Variants in IVNS1ABP observed in about 807,000 individuals in gnomAD.
The protein encoded by IVNS1ABP is influenza virus NS1A-binding protein.
In IVNS1ABP, 25 loss-of-function variants were observed where a neutral mutation model predicts 78.9. The ratio of observed to expected loss-of-function variants is 0.32; its 90% CI spans 0.23 to 0.44. The LOEUF (loss-of-function observed/expected upper bound fraction) is 0.44. Among genes scored for constraint, IVNS1ABP ranks in the 20% least tolerant of loss-of-function variants. The pLI, the probability that IVNS1ABP is intolerant of heterozygous loss-of-function variation, is 1.00. For missense variants in IVNS1ABP, 494 were observed against 768.9 expected, an observed-to-expected ratio of 0.64 and a Z score of 4.23; for synonymous variants, 241 against 259.7, an observed-to-expected ratio of 0.93 and a Z score of 0.69.
intron 8 of IVNS1ABP, among the ~76,000 whole-genome samples, chr1:185,304,727 G>A (rs952743910): frequency 2.6e-5 from 4 of 152,220 alleles, no homozygotes; most frequent in Admixed American, 2.6e-4. Flanking sequence ...AGCACTATAC[G>A]GAAACGGTTG....
intron 8 of IVNS1ABP, among the ~76,000 whole-genome samples, chr1:185,304,404 C>G (rs1665683854): frequency 6.6e-6 from 1 of 152,098 alleles, no homozygotes; most frequent in Non-Finnish European, 1.5e-5. Flanking sequence ...AACATAGGTT[C>G]TCAACTAATT....
intron 2 of IVNS1ABP, 40 bp downstream of exon 2, chr1:185,311,055 T>C (rs938808304): frequency 1.4e-5 from 5 of 346,956 alleles, no homozygotes; most frequent in East Asian, 4.0e-5. Flanking sequence ...AGAAAAACAA[T>C]GTGTCTTAAT....
intron 7 of IVNS1ABP, 200 bp downstream of exon 7, chr1:185,306,814 A>C: frequency 1.4e-6 from 1 of 734,476 alleles, no homozygotes. Flanking sequence ...AAAGAAATAA[A>C]AAAAGAAAAG....
chr1:185,299,250 A>AAG lies in IVNS1ABP; in HGVS notation c.1675+458_1675+459dup, dbSNP rs1417103372. Reference sequence around the variant, plus strand: ...AGTCAATAAAATGGAGGTGGAAAGAAAGCTATGTCTACATTTAAAAAGTTT... The same window carrying AAG: ...AGTCAATAAAATGGAGGTGGAAAGAAAGAGCTATGTCTACATTTAAAAAGTTT... On this transcript the variant is annotated intron_variant, in intron 14 of 14. Coordinates refer to ENST00000367498, the MANE Select transcript of IVNS1ABP (RefSeq NM_006469.5). 2.5e-5 allele frequency: 4 copies of AAG among 160,776 alleles called. No individual in the cohort carries two copies. The East Asian group carries it at 7.1e-4, about 29-fold the overall frequency. 10.0% of individuals were successfully genotyped at this position (160,776 alleles called of 1,614,324 possible). A position where few individuals can be genotyped will look rare whatever the true frequency, so the allele number is the denominator to read the frequency against.
chr1:185,305,446 C>CT lies in IVNS1ABP; in HGVS notation c.765+89dup. 7.0e-7 allele frequency: 1 copy of CT among 1,423,616 alleles called. No homozygotes were observed. Among genetic ancestry groups the CT allele is most frequent in the East Asian group, 2.4e-5 (1 of 41,396 alleles). The allele number at this position is 1,423,616 out of a possible 1,614,324, so 88.2% of individuals were successfully genotyped here. A position where few individuals can be genotyped will look rare whatever the true frequency, so the allele number is the denominator to read the frequency against. Reference sequence around the variant, plus strand: ...CAGTTATACCAATGAAATTGGTCCACTTTCCTTTATTAAAGGAAAATTTAA... The same window carrying CT: ...CAGTTATACCAATGAAATTGGTCCACTTTTCCTTTATTAAAGGAAAATTTAA... On this transcript the variant is annotated intron_variant, in intron 8 of 14. Transcript: ENST00000367498. This position sits in a 1 kb window ranked among gnomAD's most constrained non-coding sequence, Gnocchi z 4.0.
rs888978980 is a variant in IVNS1ABP, at chr1:185,300,244, C to G, written c.1342G>C (p.Glu448Gln). 1.9e-6 allele frequency: 3 copies of G among 1,613,242 alleles called. No individual in the cohort carries two copies. The African/African-American group carries it at 4.0e-5, about 22-fold the overall frequency. ...SNIDDWIPVPELRTNRCNAGV... is the reference protein window; with the variant it reads ...SNIDDWIPVPQLRTNRCNAGV... ...GCATTACAACGGTTAGTTCTCAATT[C>G]TGGAACAGGAATCCAGTCATCTATG... The change falls in exon 12 of 15, where the codon GAA (glutamate) becomes CAA (glutamine). Residue 448 changes from glutamate (E) to glutamine (Q), a missense_variant. By Grantham distance (29) the Glu-to-Gln change is conservative. Coordinates refer to ENST00000367498, the MANE Select transcript of IVNS1ABP (RefSeq NM_006469.5).
rs1346506113 is a variant in IVNS1ABP, at chr1:185,309,407, G to C, written c.87C>G (p.Gly29=). Reference sequence around the variant, plus strand: ...CCTGAAGTCGAACATCACAGAACTGGCCACTTTTCCTCAGGGCATTTAATT... The same window carrying C: ...CCTGAAGTCGAACATCACAGAACTGCCCACTTTTCCTCAGGGCATTTAATT... ...VAKLNALRKS[G]QFCDVRLQVC... Residue 29 remains glycine, a synonymous_variant, in exon 3 of 15, where the codon GGC becomes GGG. Transcript: ENST00000367498. 6.2e-7 allele frequency: 1 copy of C among 1,610,730 alleles called. No individual in the cohort carries two copies. The highest frequency in any genetic ancestry group is 8.5e-7 in the Non-Finnish European group (1 of 1,177,718).
rs1405785886 is a variant in IVNS1ABP at position 185,297,687 on chromosome 1, A to G, written c.*348T>C. 3.6e-6 allele frequency: 1 copy of G among 279,764 alleles called. No individual in the cohort carries two copies. The highest frequency in any genetic ancestry group is 4.9e-5 in the Admixed American group (1 of 20,414). The allele number at this position is 279,764 out of a possible 1,614,324, so 17.3% of individuals were successfully genotyped here. ...CTTTAAACCCTACCCCTTTTACCCCATAGTACACATTTGAGGGAAGAGTCA... is the reference window on the plus strand; with the variant it reads ...CTTTAAACCCTACCCCTTTTACCCCGTAGTACACATTTGAGGGAAGAGTCA... On this transcript the variant is annotated 3_prime_UTR_variant, in exon 15 of 15. Coordinates refer to ENST00000367498, the MANE Select transcript of IVNS1ABP (RefSeq NM_006469.5).
chr1:185,301,482 G>C lies in IVNS1ABP; in HGVS notation c.847C>G (p.Gln283Glu). The C allele has an allele frequency of 1.2e-6, 2 of 1,613,150 alleles. No homozygotes were observed. The highest frequency in any genetic ancestry group is 1.7e-6 in the Non-Finnish European group (2 of 1,179,350). The change falls in exon 9 of 15, where the codon CAA becomes GAA. Residue 283 changes from glutamine to glutamate, a missense_variant. By Grantham distance (29) the Gln-to-Glu change is conservative (BLOSUM62 2). Transcript: ENST00000367498. ...ATTTTCCACTCATGCTTAGGGCTTTGTACTGTAGCATTTGGAGAAGAGAGA... is the reference window on the plus strand; with the variant it reads ...ATTTTCCACTCATGCTTAGGGCTTTCTACTGTAGCATTTGGAGAAGAGAGA... ...GCLSSPNATV[Q>E]SPKHEWKIVA...
Position 185,308,994 on chromosome 1 carries a change from T to A in IVNS1ABP, c.281+9A>T. Reference sequence around the variant, plus strand: ...CCCTAATTATATGGTTTACTTCAAATGTACTTACTGAGCAGTGTAGGCATA... The same window carrying A: ...CCCTAATTATATGGTTTACTTCAAAAGTACTTACTGAGCAGTGTAGGCATA... On this transcript the variant is annotated intron_variant, in intron 4 of 14. Transcript: ENST00000367498. The A allele has an allele frequency of 6.2e-7, 1 of 1,600,986 alleles. No individual in the cohort carries two copies. The highest frequency in any genetic ancestry group is 1.1e-5 in the South Asian group (1 of 88,960).
chr1:185,303,053 C>A (rs1356778467), intron 8 of IVNS1ABP, among the ~76,000 whole-genome samples: 1 of 151,960 alleles, frequency 6.6e-6, no homozygotes, highest in Admixed American at 6.6e-5. Context: ...ACTTATCTAA[C>A]CTTATCTATT....
Position 185,301,529 on chromosome 1 carries a change from A to T in IVNS1ABP, c.800T>A (p.Ile267Lys). The T allele has an allele frequency of 6.2e-7, 1 of 1,613,188 alleles. No homozygotes were observed. The highest frequency in any genetic ancestry group is 8.5e-7 in the Non-Finnish European group (1 of 1,179,370). The change falls in exon 9 of 15, where the codon ATA becomes AAA. Residue 267 changes from isoleucine (I) to lysine (K), a missense_variant. Transcript: ENST00000367498. ...GAGACATCCAGTTGAACTGCTACTT[A>T]TCTGCTTATGGCCATTCTCACGTGG... is the stretch of plus-strand genomic sequence containing the variant. ...KPPRENGHKQ[I>K]SSSSTGCLSS...
chr1:185,315,503 T>G (rs1172136913), intron 1 of IVNS1ABP, among the ~76,000 whole-genome samples: 1 of 152,212 alleles, frequency 6.6e-6, no homozygotes, highest in African/African-American at 2.4e-5. Flanking sequence ...AGGGCTCTCT[T>G]TGGTCAGTGG....
chr1:185,306,043 C>G (rs1438354236), intron 7 of IVNS1ABP: 1 of 172,880 alleles, frequency 5.8e-6, no homozygotes, highest in Non-Finnish European at 1.2e-5. Context: ...GTCTGGTTTG[C>G]ATAAACATAT....
Position 185,307,119 on chromosome 1 carries a change from A to G in IVNS1ABP, c.552T>C (p.Asp184=). The part of the protein sequence containing the change: ...PRLKLEVMLE[D]NVCLPSNGKL... ...TGCCATTGCTGGGCAAGCAAACATT[A>G]TCTTCAAGCATTACCTCCAACTAGA... The change falls in exon 7 of 15, where the codon GAT becomes GAC. Residue 184 remains aspartate (D), a synonymous_variant. Coordinates refer to ENST00000367498, the MANE Select transcript of IVNS1ABP (RefSeq NM_006469.5). 1.9e-6 allele frequency: 3 copies of G among 1,613,496 alleles called. No individual in the cohort carries two copies. Among genetic ancestry groups the G allele is most frequent in the Non-Finnish European group, 2.5e-6 (3 of 1,179,544 alleles).
chr1:185,298,215 T>C lies in IVNS1ABP; in HGVS notation c.1749A>G (p.Arg583=), dbSNP rs1571736117. 6.2e-7 allele frequency: 1 copy of C among 1,613,726 alleles called. No homozygotes were observed. The highest frequency in any genetic ancestry group is 1.1e-5 in the South Asian group (1 of 91,086). The change falls in exon 15 of 15, where the codon AGA becomes AGG. Residue 583 remains arginine, a synonymous_variant. Coordinates refer to ENST00000367498, the MANE Select transcript of IVNS1ABP (RefSeq NM_006469.5). This position sits in a 1 kb window ranked among gnomAD's most constrained non-coding sequence, Gnocchi z 4.1. The stretch of plus-strand genomic sequence containing the variant: ...TATTTCCCATCATCTTCCATTCATT[T>C]CTAGTTGGATCATACATTTCCACAC... ...ISCVEMYDPT[R]NEWKMMGNMT...
chr1:185,301,272 C>T, intron 9 of IVNS1ABP, 76 bp from the exon 10 acceptor site: 2 of 1,411,390 alleles, frequency 1.4e-6, no homozygotes, highest in Non-Finnish European at 2.0e-6. Flanking sequence ...AATTGGACTC[C>T]AGTCTCCACA....
intron 7 of IVNS1ABP, 65 bp downstream of exon 7, chr1:185,306,949 A>C: frequency 1.3e-6 from 2 of 1,528,602 alleles, no homozygotes; most frequent in Non-Finnish European, 1.8e-6. Context: ...AGTGAAAGGG[A>C]ATCCTTCATG....
Position 185,305,026 on chromosome 1 carries a change from T to A in IVNS1ABP, c.765+510A>T, listed in dbSNP as rs1005909345. Among the ~76,000 whole-genome samples, 2 of 152,176 alleles carry A rather than the reference T, an allele frequency of 1.3e-5. No homozygotes were observed. Among genetic ancestry groups the A allele is most frequent in the Non-Finnish European group, 2.9e-5 (2 of 68,010 alleles). ...CTACTATATTTTAATTCATCTTGGT[T>A]AAAGAAACATCTAGATCAGGTTTTA... On this transcript the variant is annotated intron_variant, in intron 8 of 14. Transcript: ENST00000367498. This position sits in a 1 kb window ranked among gnomAD's most constrained non-coding sequence, Gnocchi z 4.0.
Sources: gnomAD v4.1 joint callset for allele counts (sites outside exome capture counted in the v4.1 genomes callset) on GRCh38, gnomAD v4.1.1 for gene constraint, Gnocchi (gnomAD v3.1) non-coding constraint, MANE v1.5 for transcripts, NCBI Gene and HGNC (gene_info 2026-07-23, HGNC 2026-07-21) for gene names.